Variants in ANAPC16 observed in about 807,000 individuals in gnomAD.
ANAPC16 encodes anaphase-promoting complex subunit 16.
Under a neutral mutation model 13.1 loss-of-function variants are expected in ANAPC16, and 6 were observed. That is an observed-to-expected ratio of 0.46 (90% confidence interval 0.25 to 0.90). ANAPC16 has a LOEUF of 0.90. Among genes scored for constraint, ANAPC16 ranks in the 40% least tolerant of loss-of-function variants. ANAPC16 has a pLI of 0.18. For synonymous variants in ANAPC16, 55 were observed against 51.3 expected (o/e 1.07, Z -0.31); for missense variants, 113 against 131.1 (o/e 0.86, Z 0.67).
At chr10:72,224,486 G>A (rs368780846) in intron 2 of ANAPC16, among the ~76,000 whole-genome samples, 3 of 151,868 alleles carry the variant, frequency 2.0e-5, no homozygotes, top group South Asian at 2.1e-4. Flanking sequence ...GGTGGTAGGC[G>A]CCTGTAATCC....
chr10:72,218,160 AAAAAAATATATATATAT>A (rs1480228450), intron 1 of ANAPC16, among the ~76,000 whole-genome samples: 9 of 39,128 alleles, frequency 2.3e-4, no homozygotes, highest in East Asian at 6.6e-4. Flanking sequence ...AAAAAAAAAA[AAAAAAATATATATATAT>A]ATATATATAT....
At chr10:72,230,873 A>G (rs1055367818) in intron 3 of ANAPC16, among the ~76,000 whole-genome samples, 4 of 152,148 alleles carry the variant, frequency 2.6e-5, no homozygotes, top group African/African-American at 9.7e-5. Flanking sequence ...CCTGTGCAAC[A>G]GAGACCCTGT....
At chr10:72,226,070 C>T (rs1368022138) in intron 2 of ANAPC16, among the ~76,000 whole-genome samples, 2 of 149,064 alleles carry the variant, frequency 1.3e-5, no homozygotes, top group African/African-American at 5.0e-5. Context: ...GGCTGTAGTG[C>T]AGTGGCTCGA....
Position 72,233,073 on chromosome 10 carries a change from A to G in ANAPC16, c.290A>G (p.Lys97Arg). The G allele has an allele frequency of 6.2e-7, 1 of 1,614,208 alleles. No homozygotes were observed. Among genetic ancestry groups the G allele is most frequent in the Non-Finnish European group, 8.5e-7 (1 of 1,180,034 alleles). Residue 97 changes from lysine (K) to arginine (R), a missense_variant, in exon 4 of 4, where the codon AAG (lysine) becomes AGG (arginine). By Grantham distance (26) the Lys-to-Arg change is conservative. Transcript: ENST00000299381. ...CTGGAGGCTGACGAGTGGCGGTTTA[A>G]GCCCATCGAGCAGCTGCTGGGATTC... ...EELEADEWRF[K>R]PIEQLLGFTP...
chr10:72,221,569 T>TTTTTC (rs1859933502), intron 1 of ANAPC16, among the ~76,000 whole-genome samples: 1 of 140,628 alleles, frequency 7.1e-6, no homozygotes, highest in Non-Finnish European at 1.5e-5. Context: ...TTTTTTTTTT[T>TTTTTC]TGAGACAGAG....
chr10:72,231,406 G>C (rs1337007193), intron 3 of ANAPC16, among the ~76,000 whole-genome samples: 1 of 151,958 alleles, frequency 6.6e-6, no homozygotes, highest in African/African-American at 2.4e-5. Flanking sequence ...GTGGAGAATG[G>C]TGGTGCATGC....
intron 1 of ANAPC16, among the ~76,000 whole-genome samples, chr10:72,218,219 T>TGC: frequency 8.2e-6 from 1 of 122,034 alleles, no homozygotes; most frequent in East Asian, 2.7e-4. Context: ...TATATATATA[T>TGC]GCCGGAGGTT....
rs1859549276 is a variant in ANAPC16, at chr10:72,217,441, C to A, written c.-28+1303C>A. On this transcript the variant is annotated intron_variant, in intron 1 of 3. Transcript: ENST00000299381. ...AGTGAGCCGAGATCGCGCCACTGCA[C>A]TTCAGCCTGGGTGACAGCGAGAATC... Among the ~76,000 whole-genome samples the A allele has an allele frequency of 2.0e-5, 3 of 148,042 alleles. No individual in the cohort carries two copies. In the South Asian group the frequency reaches 6.4e-4, roughly 31 times the overall value.
chr10:72,221,308 T>TA (rs1859921714), intron 1 of ANAPC16, among the ~76,000 whole-genome samples: 1 of 152,184 alleles, frequency 6.6e-6, no homozygotes, highest in South Asian at 2.1e-4. Context: ...CAATATAAAG[T>TA]TATTTTTAAT....
intron 1 of ANAPC16, among the ~76,000 whole-genome samples, chr10:72,218,150 A>C (rs1243513787): frequency 7.3e-5 from 2 of 27,440 alleles, no homozygotes; most frequent in African/African-American, 3.1e-4. Context: ...TGTCTCAAAA[A>C]AAAAAAAAAA....
intron 1 of ANAPC16, chr10:72,217,086 C>T (rs1451354482): frequency 4.4e-6 from 2 of 453,910 alleles, no homozygotes; most frequent in Admixed American, 4.7e-5. Flanking sequence ...ACTGGAAGCA[C>T]AGTGGAAACA....
At chr10:72,219,427 TGATCTAATAACAA>T (rs1256939469) in intron 1 of ANAPC16, among the ~76,000 whole-genome samples, 1 of 151,770 alleles carries the variant, frequency 6.6e-6, no homozygotes, top group East Asian at 1.9e-4. Flanking sequence ...AGAGGAAGAG[TGATCTAATAACAA>T]GATTGAAAAT....
Position 72,235,797 on chromosome 10 carries a change from A to G in ANAPC16, c.*2681A>G, listed in dbSNP as rs1860451500. ...TTACAGAATTTTTTCTCTAAATTGG[A>G]TGTTTCTTTATATGACCTTGGAAAC... On this transcript the variant is annotated 3_prime_UTR_variant, in exon 4 of 4. Transcript: ENST00000299381. 6.6e-6 allele frequency: 1 copy of G among 152,140 alleles called. No individual in the cohort carries two copies. The highest frequency in any genetic ancestry group is 1.5e-5 in the Non-Finnish European group (1 of 68,030). 9.4% of individuals were successfully genotyped at this position (152,140 alleles called of 1,614,324 possible). A position where few individuals can be genotyped will look rare whatever the true frequency, so the allele number is the denominator to read the frequency against.
intron 1 of ANAPC16, among the ~76,000 whole-genome samples, chr10:72,222,046 A>G (rs1473216976): frequency 6.6e-6 from 1 of 151,348 alleles, no homozygotes; most frequent in Non-Finnish European, 1.5e-5. Flanking sequence ...TTTAAAAAAT[A>G]CTAAATACAC....
chr10:72,225,961 G>T (rs953424614), intron 2 of ANAPC16, among the ~76,000 whole-genome samples: 3 of 150,480 alleles, frequency 2.0e-5, no homozygotes, highest in Non-Finnish European at 4.4e-5. Flanking sequence ...AAATTTACTT[G>T]ATTCTAGTAT....
At chr10:72,217,541 C>G (rs1392340070) in intron 1 of ANAPC16, among the ~76,000 whole-genome samples, 1 of 151,126 alleles carries the variant, frequency 6.6e-6, no homozygotes, top group Non-Finnish European at 1.5e-5. Context: ...TGAACAGATT[C>G]TTTCTCCTGT....
chr10:72,221,696 C>T (rs1351495105), intron 1 of ANAPC16, among the ~76,000 whole-genome samples: 16 of 148,168 alleles, frequency 1.1e-4, no homozygotes, highest in Middle Eastern at 3.5e-3. Context: ...GTAGCTGAGA[C>T]TACAGGCGCC....
chr10:72,228,029 TAAA>T (rs79285694), intron 2 of ANAPC16, among the ~76,000 whole-genome samples: 2 of 124,774 alleles, frequency 1.6e-5, no homozygotes, highest in Non-Finnish European at 3.2e-5. Context: ...AGACTTGGTT[TAAA>T]AAAAAAAAAA....
chr10:72,222,758 C>A (rs142933068), intron 1 of ANAPC16, among the ~76,000 whole-genome samples: 3 of 152,120 alleles, frequency 2.0e-5, no homozygotes, highest in Non-Finnish European at 2.9e-5. Flanking sequence ...GCGTGGGCGA[C>A]AAGAGCGAGA....
Sources: gnomAD v4.1 joint callset for allele counts (sites outside exome capture counted in the v4.1 genomes callset) on GRCh38, gnomAD v4.1.1 for gene constraint, MANE v1.5 for transcripts, NCBI Gene and HGNC (gene_info 2026-07-23, HGNC 2026-07-21) for gene names.